WWTR1: variants seen among roughly 807,000 people sequenced by gnomAD.
WWTR1 encodes WW domain-containing transcription regulator protein 1.
In WWTR1, 13 loss-of-function variants were observed where a neutral mutation model predicts 40.1. That is an observed-to-expected ratio of 0.32 (90% CI 0.21 to 0.52). The LOEUF (loss-of-function observed/expected upper bound fraction) is 0.52, where lower values mean the gene tolerates loss of function less well. Among genes scored for constraint, WWTR1 ranks in the 20% least tolerant of loss-of-function variants. WWTR1 has a pLI of 0.97. For missense variants in WWTR1, 436 were observed against 523.1 expected (o/e 0.83, Z 1.63); for synonymous variants, 230 against 210.1 (o/e 1.09, Z -0.82).
At chr3:149,640,175 T>TC (rs1457064871) in intron 2 of WWTR1, among the ~76,000 whole-genome samples, 1 of 152,144 alleles carries the variant, frequency 6.6e-6, no homozygotes, top group Non-Finnish European at 1.5e-5. Flanking sequence ...TCTCTGGTCT[T>TC]CCCCACTGTA....
rs375372915 is a variant in WWTR1, at chr3:149,600,397, C to T, written c.432-27397G>A. The stretch of plus-strand genomic sequence containing the variant: ...CAAACACTATGAAGTATTAGTTAAG[C>T]TAATAAAGTCACAGGGCCAAAAGGG... On this transcript the variant is annotated intron_variant, in intron 2 of 6. Coordinates refer to ENST00000360632, the MANE Select transcript of WWTR1 (RefSeq NM_015472.6). Among the ~76,000 whole-genome samples the T allele has an allele frequency of 5.1e-4, 78 of 152,294 alleles. No individual in the cohort carries two copies. The East Asian group carries it at 8.3e-3, about 16-fold the overall frequency.
chr3:149,581,005 C>T (rs140997932), intron 2 of WWTR1, among the ~76,000 whole-genome samples: 7,318 of 152,198 alleles, frequency 0.048, 264 homozygotes, highest in Non-Finnish European at 0.07. Flanking sequence ...TTTTGAACTT[C>T]GATATGTTGA....
At chr3:149,647,431 T>G (rs1005585589) in intron 2 of WWTR1, among the ~76,000 whole-genome samples, 3 of 152,144 alleles carry the variant, frequency 2.0e-5, no homozygotes, top group African/African-American at 7.2e-5. Flanking sequence ...TGGGCCCTGG[T>G]GGGATGACTA....
intron 2 of WWTR1, among the ~76,000 whole-genome samples, chr3:149,645,082 TTA>T (rs72175325): frequency 0.023 from 3,345 of 148,424 alleles, 125 homozygotes; most frequent in East Asian, 0.15. Flanking sequence ...TTTATTTTAT[TTA>T]TTTTTTTTTT....
intron 2 of WWTR1, chr3:149,649,788 A>T (rs1427658193): frequency 1.3e-5 from 2 of 152,080 alleles, no homozygotes; most frequent in African/African-American, 2.4e-5. Context: ...GAGGTGGCAG[A>T]TGCCTATAAT....
intron 2 of WWTR1, among the ~76,000 whole-genome samples, chr3:149,664,808 A>G (rs1437385812): frequency 6.6e-6 from 1 of 152,022 alleles, no homozygotes; most frequent in Non-Finnish European, 1.5e-5. Context: ...GCTGGTCTCG[A>G]ACTCCTGATC....
upstream of WWTR1, chr3:149,703,350 T>C (rs972371490): frequency 2.6e-5 from 4 of 152,148 alleles, no homozygotes; most frequent in African/African-American, 9.7e-5. Context: ...TAAAAGGTGA[T>C]GAACAACCCA....
intron 2 of WWTR1, among the ~76,000 whole-genome samples, chr3:149,582,937 T>G (rs1738222145): frequency 1.3e-5 from 2 of 152,138 alleles, no homozygotes. Context: ...AGAGAAAAGA[T>G]GAGACGCTTT....
upstream of WWTR1, among the ~76,000 whole-genome samples, chr3:149,707,956 A>G (rs1445613586): frequency 6.6e-6 from 1 of 152,014 alleles, no homozygotes; most frequent in African/African-American, 2.4e-5. Flanking sequence ...CTGTTCTCCT[A>G]AACTAGAATT....
intron 3 of WWTR1, 145 bp downstream of exon 3, chr3:149,572,719 T>C: frequency 2.1e-6 from 2 of 972,518 alleles, no homozygotes; most frequent in Non-Finnish European, 3.0e-6. Flanking sequence ...CAGTGGTTCA[T>C]GCCTGTTATC....
chr3:149,547,354 G>A (rs142487724), intron 3 of WWTR1, among the ~76,000 whole-genome samples: 1 of 151,638 alleles, frequency 6.6e-6, no homozygotes, highest in East Asian at 1.9e-4. Context: ...GTAAAACCCC[G>A]TCTCTACTAA....
chr3:149,569,074 T>G (rs1335015222), intron 3 of WWTR1, among the ~76,000 whole-genome samples: 2 of 152,254 alleles, frequency 1.3e-5, no homozygotes, highest in East Asian at 3.9e-4. Flanking sequence ...CATCTAAAGC[T>G]CTTATAAAAA....
At chr3:149,580,451 T>C (rs1738089487) in intron 2 of WWTR1, among the ~76,000 whole-genome samples, 1 of 152,116 alleles carries the variant, frequency 6.6e-6, no homozygotes, top group Non-Finnish European at 1.5e-5. Context: ...TGGGAGCCCA[T>C]TGCAGGAGAA....
At chr3:149,562,907 G>A (rs1203693400) in intron 3 of WWTR1, among the ~76,000 whole-genome samples, 1 of 152,050 alleles carries the variant, frequency 6.6e-6, no homozygotes, top group Non-Finnish European at 1.5e-5. Flanking sequence ...ACACAGGCGG[G>A]AGCAATATTA....
chr3:149,560,531 T>C (rs998328506), intron 3 of WWTR1, among the ~76,000 whole-genome samples: 2 of 152,214 alleles, frequency 1.3e-5, no homozygotes, highest in Non-Finnish European at 2.9e-5. Flanking sequence ...ATTCAGGCAT[T>C]ACAGCAGTTG....
At chr3:149,547,944 T>TCACACACACA (rs150391375) in intron 3 of WWTR1, among the ~76,000 whole-genome samples, 10 of 144,990 alleles carry the variant, frequency 6.9e-5, no homozygotes, top group East Asian at 4.1e-4. Context: ...AAGGAAAAAA[T>TCACACACACA]CACACACACA....
intron 1 of WWTR1, among the ~76,000 whole-genome samples, chr3:149,680,880 T>G (rs1436201950): frequency 6.6e-6 from 1 of 152,170 alleles, no homozygotes; most frequent in Admixed American, 6.5e-5. Context: ...TTTTAACATA[T>G]GTATTATGTA....
chr3:149,559,125 C>T (rs972937377), intron 3 of WWTR1, among the ~76,000 whole-genome samples: 2 of 151,858 alleles, frequency 1.3e-5, no homozygotes, highest in Non-Finnish European at 2.9e-5. Context: ...GAAACCCCAT[C>T]TCTACTAAAA....
intron 3 of WWTR1, among the ~76,000 whole-genome samples, chr3:149,542,838 T>G (rs752276038): frequency 6.6e-6 from 1 of 152,176 alleles, no homozygotes; most frequent in Admixed American, 6.5e-5. Flanking sequence ...CTAAAGCAAA[T>G]TCCACAAAGG....
Sources: allele counts gnomAD v4.1 joint callset (sites outside exome capture counted in the v4.1 genomes callset), GRCh38; gene constraint gnomAD v4.1.1; transcripts MANE v1.5; gene names NCBI Gene and HGNC (gene_info 2026-07-23, HGNC 2026-07-21).